DDX31: variants seen among roughly 807,000 people sequenced by gnomAD.
DDX31 encodes the protein DEAD-box helicase 31.
Under a neutral mutation model 91.3 loss-of-function variants are expected in DDX31, and 70 were observed. That is an observed-to-expected ratio of 0.77 (90% CI 0.63 to 0.94). DDX31 has a LOEUF of 0.94. Ranked by LOEUF, DDX31 falls within the 40% of genes least tolerant of loss-of-function variation. The pLI is 0.00. For missense variants in DDX31, 902 were observed against 925.0 expected (o/e 0.98, Z 0.32); for synonymous variants, 362 against 350.6 (o/e 1.03, Z -0.36).
chr9:132,628,057 G>C (rs966015062), intron 16 of DDX31, among the ~76,000 whole-genome samples: 1 of 152,262 alleles, frequency 6.6e-6, no homozygotes, highest in Admixed American at 6.5e-5. Context: ...TTAAGTCAAA[G>C]AAACAGTTCA....
At chr9:132,618,241 C>G in intron 18 of DDX31, 89 bp downstream of exon 18, 1 of 1,128,062 alleles carries the variant, frequency 8.9e-7, no homozygotes, top group East Asian at 2.7e-5. Flanking sequence ...ATGTTGGCCT[C>G]TCAACCGGTT....
chr9:132,669,132 T>C (rs1190942096), intron 1 of DDX31, among the ~76,000 whole-genome samples: 2 of 152,166 alleles, frequency 1.3e-5, no homozygotes, highest in African/African-American at 2.4e-5. Flanking sequence ...CAGACAAGTG[T>C]TTCCTATTCA....
Position 132,594,839 on chromosome 9 carries a change from G to C in DDX31, c.*27C>G. On this transcript the variant is annotated 3_prime_UTR_variant, in exon 20 of 20. Coordinates refer to ENST00000372159, the MANE Select transcript of DDX31 (RefSeq NM_022779.9). Reference sequence around the variant, plus strand: ...AATCCACTGCCACCCGGGGCTTCCAGGTTCCACTCGAAGACCCAGAGAGAT... The same window carrying C: ...AATCCACTGCCACCCGGGGCTTCCACGTTCCACTCGAAGACCCAGAGAGAT... The C allele has an allele frequency of 6.2e-7, 1 of 1,606,630 alleles. No homozygotes were observed. The highest frequency in any genetic ancestry group is 8.5e-7 in the Non-Finnish European group (1 of 1,175,456).
At chr9:132,631,534 T>C (rs996052802) in intron 15 of DDX31, among the ~76,000 whole-genome samples, 6 of 152,164 alleles carry the variant, frequency 3.9e-5, no homozygotes, top group Admixed American at 2.0e-4. Flanking sequence ...TACCATTCTG[T>C]AGACTAATGA....
chr9:132,617,243 G>T (rs1831695529), intron 18 of DDX31, among the ~76,000 whole-genome samples: 1 of 152,040 alleles, frequency 6.6e-6, no homozygotes, highest in African/African-American at 2.4e-5. Flanking sequence ...TTTTGCTCAA[G>T]TATCACCTAC....
At chr9:132,665,508 G>A (rs1835249097) in intron 1 of DDX31, among the ~76,000 whole-genome samples, 1 of 152,200 alleles carries the variant, frequency 6.6e-6, no homozygotes, top group African/African-American at 2.4e-5. Flanking sequence ...TTCTGGCAAA[G>A]GAGAGGGAGG....
intron 1 of DDX31, 63 bp downstream of exon 1, chr9:132,669,792 TGCAGC>T: frequency 2.6e-6 from 4 of 1,521,094 alleles, no homozygotes; most frequent in East Asian, 4.9e-5. Context: ...AAGGCACGGC[TGCAGC>T]TCGCGGCGCG....
chr9:132,661,678 G>A (rs920868215), intron 3 of DDX31, among the ~76,000 whole-genome samples: 2 of 152,178 alleles, frequency 1.3e-5, no homozygotes, highest in East Asian at 1.9e-4. Flanking sequence ...AGCTGTAACC[G>A]AAAGTGCAGA....
At chr9:132,596,411 G>A (rs1830436855) in intron 19 of DDX31, among the ~76,000 whole-genome samples, 1 of 152,164 alleles carries the variant, frequency 6.6e-6, no homozygotes, top group Admixed American at 6.5e-5. Context: ...AACCTCTGCA[G>A]GAAAAGAAGA....
chr9:132,607,474 T>C (rs1831088759), intron 19 of DDX31, among the ~76,000 whole-genome samples: 2 of 152,222 alleles, frequency 1.3e-5, no homozygotes, highest in South Asian at 2.1e-4. Flanking sequence ...ATGTCCCAGA[T>C]GTTTCTAAGC....
At chr9:132,635,643 T>A (rs2130701773) in intron 14 of DDX31, among the ~76,000 whole-genome samples, 1 of 151,164 alleles carries the variant, frequency 6.6e-6, no homozygotes, top group African/African-American at 2.4e-5. Context: ...CTATGCAAAA[T>A]TTCTATAAGA....
intron 14 of DDX31, among the ~76,000 whole-genome samples, chr9:132,635,463 T>TA (rs937576347): frequency 6.9e-6 from 1 of 144,162 alleles, no homozygotes; most frequent in African/African-American, 2.6e-5. Flanking sequence ...AGCTTTTTTT[T>TA]TTTTTTTTTT....
intron 1 of DDX31, among the ~76,000 whole-genome samples, chr9:132,669,346 CATA>C (rs1230679534): frequency 1.7e-4 from 23 of 137,586 alleles, no homozygotes; most frequent in Non-Finnish European, 2.6e-4. Flanking sequence ...TTCTTTGTCA[CATA>C]ATGTTAGGCC....
chr9:132,662,798 C>CAGGG, intron 1 of DDX31, 103 bp from the exon 2 acceptor site: 2 of 1,463,604 alleles, frequency 1.4e-6, no homozygotes, highest in Non-Finnish European at 1.9e-6. Flanking sequence ...TCTCTCCCTG[C>CAGGG]AGAGATCATT....
intron 1 of DDX31, among the ~76,000 whole-genome samples, chr9:132,668,813 C>T (rs1202556277): frequency 1.3e-5 from 2 of 152,188 alleles, no homozygotes; most frequent in African/African-American, 4.8e-5. Flanking sequence ...CGTGATCCGC[C>T]TGCCTCGGCC....
chr9:132,666,439 C>T (rs947620937), intron 1 of DDX31, among the ~76,000 whole-genome samples: 3 of 151,668 alleles, frequency 2.0e-5, no homozygotes, highest in Admixed American at 6.6e-5. Flanking sequence ...CAAGCATTGT[C>T]TGAGTATGGC....
chr9:132,667,238 T>C (rs1835372072), intron 1 of DDX31, among the ~76,000 whole-genome samples: 1 of 152,194 alleles, frequency 6.6e-6, no homozygotes, highest in Non-Finnish European at 1.5e-5. Flanking sequence ...GTATATTAGC[T>C]ACCCATCTCA....
rs1221929460 is a variant in DDX31, at chr9:132,602,107, G to C, written c.1995-6995C>G. 3.3e-5 allele frequency among the ~76,000 whole-genome samples: 5 copies of C among 152,222 alleles called. No individual in the cohort carries two copies. The South Asian group carries it at 1.0e-3, about 32-fold the overall frequency. On this transcript the variant is annotated intron_variant, in intron 19 of 19. Coordinates refer to ENST00000372159, the MANE Select transcript of DDX31 (RefSeq NM_022779.9). ...GTACACACAGCGTTTGAATCTCACA[G>C]AGGCCAAACAATGGAAATAAGACCA...
chr9:132,651,140 G>T, intron 7 of DDX31, 24 bp from the exon 8 acceptor site: 1 of 1,583,524 alleles, frequency 6.3e-7, no homozygotes, highest in Non-Finnish European at 8.6e-7. Flanking sequence ...AAAAGTTATA[G>T]ATGATGAACA....
Sources: allele counts gnomAD v4.1 joint callset (sites outside exome capture counted in the v4.1 genomes callset), GRCh38; gene constraint gnomAD v4.1.1; transcripts MANE v1.5; gene names NCBI Gene and HGNC (gene_info 2026-07-23, HGNC 2026-07-21).